DMBT1: variants seen among roughly 807,000 people sequenced by gnomAD.
The protein encoded by DMBT1 is scavenger receptor cysteine-rich domain-containing protein DMBT1.
Under a neutral mutation model 252.9 loss-of-function variants are expected in DMBT1, and 198 were observed. That is an observed-to-expected ratio of 0.78 (90% CI 0.70 to 0.88). DMBT1 has a LOEUF of 0.88. DMBT1 is among the 40% of genes least tolerant of loss of function. DMBT1 has a pLI of 0.00. For synonymous variants in DMBT1, 990 were observed against 942.7 expected (o/e 1.05, Z -0.92); for missense variants, 2,432 against 2,404.7 (o/e 1.01, Z -0.24).
rs571730382 is a variant in DMBT1, at chr10:122,592,437, C to G, written c.2342C>G (p.Ser781Trp). ...CAGCTGGGCTGTGGCTGGGCCACGT[C>G]GGCCCCAGGAAATGCCCGGTTTGGC... is the stretch of plus-strand genomic sequence containing the variant. Reference protein sequence around the residue: ...CRQLGCGWATSAPGNARFGQG... With the variant: ...CRQLGCGWATWAPGNARFGQG... The change falls in exon 20 of 56, where the codon TCG (serine) becomes TGG (tryptophan). Residue 781 changes from serine to tryptophan, a missense_variant. By Grantham distance (177) the Ser-to-Trp change is radical. Transcript: ENST00000338354. 2 of 1,588,256 alleles carry G rather than the reference C, an allele frequency of 1.3e-6. No homozygotes were observed. Among genetic ancestry groups the G allele is most frequent in the Non-Finnish European group, 1.7e-6 (2 of 1,165,730 alleles).
chr10:122,637,426 A>C (rs2098235832), intron 54 of DMBT1, 114 bp downstream of exon 54: 3 of 1,202,666 alleles, frequency 2.5e-6, no homozygotes, highest in Non-Finnish European at 1.1e-6. Context: ...GATAATCAGG[A>C]CATAATTGGA....
intron 54 of DMBT1, 60 bp downstream of exon 54, chr10:122,637,372 C>A: frequency 6.9e-7 from 1 of 1,454,144 alleles, no homozygotes; most frequent in Non-Finnish European, 9.2e-7. Context: ...AGCGGTATGT[C>A]CTGTGCTTCT....
chr10:122,626,214 T>C (rs1373946343), intron 46 of DMBT1, among the ~76,000 whole-genome samples: 1 of 152,246 alleles, frequency 6.6e-6, no homozygotes, highest in Non-Finnish European at 1.5e-5. Context: ...AGACAAATAG[T>C]AAATGGATAA....
At chr10:122,572,248 G>T (rs1382714526) in intron 4 of DMBT1, 66 bp from the exon 5 acceptor site, 3 of 1,600,534 alleles carry the variant, frequency 1.9e-6, no homozygotes, top group Non-Finnish European at 2.6e-6. Context: ...ACCTGAGGAA[G>T]CCATGGACCA....
Position 122,620,725 on chromosome 10 carries a change from G to A in DMBT1, c.5285-332G>A, listed in dbSNP as rs116265818. ...TGTGGGTGCCACCAAACTCCTGAAC[G>A]TGAGGCAGGTCTTGGCCTCCTATCT... On this transcript the variant is annotated intron_variant, in intron 43 of 55. Coordinates refer to ENST00000338354, the MANE Select transcript of DMBT1 (RefSeq NM_001377530.1). 9.5e-3 allele frequency among the ~76,000 whole-genome samples: 1,444 copies of A among 152,314 alleles called. 23 individuals are homozygous for A. The highest frequency in any genetic ancestry group is 0.032 in the African/African-American group (1,344 of 41,566).
At position 122,642,982 on chromosome 10, in the gene DMBT1, C is replaced by T. The variant is rs1020455455; in HGVS notation, c.7353-140C>T. 1.9e-5 allele frequency: 22 copies of T among 1,151,676 alleles called. No individual in the cohort carries two copies. In the South Asian group the frequency reaches 2.2e-4, roughly 12 times the overall value. 71.3% of individuals were successfully genotyped at this position (1,151,676 alleles called of 1,614,324 possible). On this transcript the variant is annotated intron_variant, in intron 55 of 55. Coordinates refer to ENST00000338354, the MANE Select transcript of DMBT1 (RefSeq NM_001377530.1). ...CCCCTCAGTGAGTGTCTGATCCACA[C>T]GTTCTGACAGAAGGAAGGTGAGGTG... is the stretch of plus-strand genomic sequence containing the variant.
At chr10:122,599,481 A>T (rs1413626640) in intron 26 of DMBT1, among the ~76,000 whole-genome samples, 2 of 152,168 alleles carry the variant, frequency 1.3e-5, no homozygotes, top group Non-Finnish European at 2.9e-5. Flanking sequence ...TGAACTAAAG[A>T]TGCTTGTCTG....
At chr10:122,573,828 A>C in intron 6 of DMBT1, 66 bp downstream of exon 6, 1 of 1,576,720 alleles carries the variant, frequency 6.3e-7, no homozygotes, top group East Asian at 2.2e-5. Context: ...TTAATCTCTG[A>C]TTCAGATGAG....
At chr10:122,590,793 C>CACAGTA in intron 18 of DMBT1, 99 bp downstream of exon 18, 4 of 1,412,860 alleles carry the variant, frequency 2.8e-6, no homozygotes, top group Non-Finnish European at 3.9e-6. Flanking sequence ...TGTGTGGATA[C>CACAGTA]TGTGGGTCAT....
intron 17 of DMBT1, among the ~76,000 whole-genome samples, chr10:122,590,082 C>T (rs539718423): frequency 1.3e-5 from 2 of 148,514 alleles, no homozygotes; most frequent in South Asian, 2.3e-4. Context: ...GAACCAAAGG[C>T]TTATGCTGGG....
chr10:122,592,164 G>A (rs1017100178), intron 19 of DMBT1, 108 bp from the exon 20 acceptor site: 2 of 1,493,952 alleles, frequency 1.3e-6, no homozygotes, highest in African/African-American at 1.4e-5. Flanking sequence ...AATCGTGACT[G>A]CTTGTCCAGG....
Position 122,560,816 on chromosome 10 carries a change from C to A in DMBT1, c.46C>A (p.Gln16Lys), listed in dbSNP as rs565256131. 7.6e-6 allele frequency: 12 copies of A among 1,571,168 alleles called. No homozygotes were observed. In the African/African-American group the frequency reaches 1.6e-4, roughly 21 times the overall value. Reference protein sequence around the residue: ...VILEMCLLWGQVLSTGGWIPR... With the variant: ...VILEMCLLWGKVLSTGGWIPR... ...CCTTGAAATGTGTCTTTTATGGGGA[C>A]AAGTTCTATCTACAGGTATTACGTT... The change falls in exon 1 of 56, where the codon CAA (glutamine) becomes AAA (lysine). Residue 16 changes from glutamine to lysine, a missense_variant. Gln to Lys is a moderately conservative substitution (Grantham distance 53). Around this residue, in one of 3 missense-constraint regions of DMBT1, gnomAD observed 1,264 missense variants for 1,082.2 expected, o/e 1.17. Transcript: ENST00000338354.
At chr10:122,633,141 G>A (rs1330774370) in intron 51 of DMBT1, 50 bp from the exon 52 acceptor site, 4 of 1,606,122 alleles carry the variant, frequency 2.5e-6, no homozygotes, top group South Asian at 2.2e-5. Flanking sequence ...CAGGTAGACT[G>A]TGCAGTGTGC....
Position 122,643,428 on chromosome 10 carries a change from G to A in DMBT1, c.*30G>A, listed in dbSNP as rs8441. On this transcript the variant is annotated 3_prime_UTR_variant, in exon 56 of 56. Coordinates refer to ENST00000338354, the MANE Select transcript of DMBT1 (RefSeq NM_001377530.1). ...TCGCTCTCAGACCCCACTGTCCACC[G>A]GGGCGCAGACCCCTGACTCGGGGAC... is the stretch of plus-strand genomic sequence containing the variant. 0.22 allele frequency: 351,176 copies of A among 1,589,632 alleles called. 40,226 individuals are homozygous for A. The highest frequency in any genetic ancestry group is 0.37 in the African/African-American group (27,493 of 74,240).
intron 54 of DMBT1, among the ~76,000 whole-genome samples, chr10:122,638,616 A>G (rs548574229): frequency 6.6e-6 from 1 of 151,482 alleles, no homozygotes; most frequent in East Asian, 1.9e-4. Context: ...TAATTAACAA[A>G]TTTTTTTTTG....
Position 122,571,239 on chromosome 10 carries a change from C to T in DMBT1, c.187+302C>T, listed in dbSNP as rs529525720. On this transcript the variant is annotated intron_variant, in intron 4 of 55. Transcript: ENST00000338354. Reference sequence around the variant, plus strand: ...CTTTTCATAGACAATGAAGGTCAAGCGGTTATCTTCCTGTCCTTCTGAAGC... The same window carrying T: ...CTTTTCATAGACAATGAAGGTCAAGTGGTTATCTTCCTGTCCTTCTGAAGC... Among the ~76,000 whole-genome samples, 171 of 152,264 alleles carry T rather than the reference C, an allele frequency of 1.1e-3. 1 individual carries two copies. The highest frequency in any genetic ancestry group is 3.4e-3 in the Middle Eastern group (1 of 294).
chr10:122,619,337 G>C lies in DMBT1; in HGVS notation c.5245G>C (p.Asp1749His). Reference sequence around the variant, plus strand: ...TCAGTCCCAGTCAACGCCCAGGCCAGGTGAGTCCCCAGCATCCTTCATCGG... The same window carrying C: ...TCAGTCCCAGTCAACGCCCAGGCCACGTGAGTCCCCAGCATCCTTCATCGG... ...AAQSQSTPRP[D>H]TWLTTNLPAL... Residue 1749 changes from aspartate to histidine, a missense_variant and splice_region_variant, in exon 42 of 56, where the codon GAT becomes CAT. By Grantham distance (81) the Asp-to-His change is moderately conservative (BLOSUM62 -1). This residue lies in a region of DMBT1 where 1,162 missense variants were observed against 1,169.0 expected (regional missense o/e 0.99). Coordinates refer to ENST00000338354, the MANE Select transcript of DMBT1 (RefSeq NM_001377530.1). 6.2e-7 allele frequency: 1 copy of C among 1,613,976 alleles called. No individual in the cohort carries two copies. The highest frequency in any genetic ancestry group is 8.5e-7 in the Non-Finnish European group (1 of 1,179,878).
chr10:122,577,733 C>A, intron 7 of DMBT1, 78 bp from the exon 8 acceptor site: 3 of 1,560,340 alleles, frequency 1.9e-6, no homozygotes, highest in African/African-American at 1.4e-5. Flanking sequence ...GGTGTAGATA[C>A]CCCAAGTCAC....
In DMBT1 at chr10:122,621,201, T is replaced by G. The variant is rs1400555228; in HGVS notation, c.5429T>G (p.Leu1810Arg). 3.7e-6 allele frequency: 6 copies of G among 1,613,926 alleles called. No individual in the cohort carries two copies. The highest frequency in any genetic ancestry group is 1.7e-5 in the Admixed American group (1 of 60,028). ...TNDANVVCRQLGCGWAMSAPG... is the reference protein window; with the variant it reads ...TNDANVVCRQRGCGWAMSAPG... ...GATGCCAATGTGGTCTGCAGGCAGC[T>G]GGGCTGTGGCTGGGCCATGTCGGCC... The change falls in exon 44 of 56, where the codon CTG becomes CGG. Residue 1810 changes from leucine to arginine, a missense_variant. Around this residue, in one of 3 missense-constraint regions of DMBT1, gnomAD observed 1,162 missense variants for 1,169.0 expected, o/e 0.99. Transcript: ENST00000338354.
Sources: allele counts gnomAD v4.1 joint callset (sites outside exome capture counted in the v4.1 genomes callset), GRCh38; gene constraint gnomAD v4.1.1; regional missense constraint gnomAD v4.1.1; transcripts MANE v1.5; gene names NCBI Gene and HGNC (gene_info 2026-07-23, HGNC 2026-07-21).